The following PRICKLE3 variants were observed in gnomAD, a reference collection of about 807,000 sequenced individuals.
PRICKLE3 encodes prickle planar cell polarity protein 3.
In PRICKLE3, 17 loss-of-function variants were observed where a neutral mutation model predicts 33.8. The observed-to-expected ratio is 0.50, with a 90% CI of 0.34 to 0.75. The LOEUF (loss-of-function observed/expected upper bound fraction) is 0.75, where lower values mean the gene tolerates loss of function less well. PRICKLE3 is among the 30% of genes least tolerant of loss of function. PRICKLE3 has a pLI of 0.01. For synonymous variants in PRICKLE3, 211 were observed against 219.6 expected (o/e 0.96, Z 0.34); for missense variants, 573 against 576.7 (o/e 0.99, Z 0.07).
At chrX:49,180,556 C>A (rs1185351230) in intron 3 of PRICKLE3, among the ~76,000 whole-genome samples, 1 of 111,187 alleles carries the variant, frequency 9.0e-6, no homozygotes, top group Non-Finnish European at 1.9e-5. Flanking sequence ...GGTAGCACTG[C>A]ACCGAGCTGA....
intron 3 of PRICKLE3, among the ~76,000 whole-genome samples, chrX:49,180,428 G>A (rs1048630870): frequency 9.0e-6 from 1 of 111,001 alleles, no homozygotes; most frequent in African/African-American, 3.3e-5. Flanking sequence ...AATCTCTCTT[G>A]AGCCTACTTG....
Position 49,185,896 on chromosome X carries a change from C to CAAA in PRICKLE3, c.42+357_42+359dup, listed in dbSNP as rs35472415. Among the ~76,000 whole-genome samples the CAAA allele has an allele frequency of 1.2e-3, 36 of 29,688 alleles. 2 individuals are homozygous for CAAA. Among genetic ancestry groups the CAAA allele is most frequent in the Admixed American group, 2.0e-3 (5 of 2,546 alleles). The allele number at this position is 29,688 out of a possible 115,157, so 25.8% of individuals were successfully genotyped here. ...AGCCTGGGTGACAGAGATTCAGTCT[C>CAAA]AAAAAAAAAAAAAAAAAAAAAAAGC... is the stretch of plus-strand genomic sequence containing the variant. On this transcript the variant is annotated intron_variant, in intron 1 of 8. Transcript: ENST00000599218.
rs201474575 is a variant in PRICKLE3 at position 49,178,249 on chromosome X, C to A, written c.768+23G>T. On this transcript the variant is annotated intron_variant, in intron 6 of 8. Coordinates refer to ENST00000599218, the MANE Select transcript of PRICKLE3 (RefSeq NM_006150.5). ...TGGCCCTGCCCACCCTCAACTCCCA[C>A]CCCTGGGCAGGGAGGCCCAAACCTC... 7.8e-4 allele frequency: 933 copies of A among 1,198,698 alleles called. 4 individuals carry two copies. In the African/African-American group the frequency reaches 0.015, roughly 20 times the overall value.
At position 49,175,398 on chromosome X, in the gene PRICKLE3, G is replaced by C. The variant is rs2065409145; in HGVS notation, c.*275C>G. On this transcript the variant is annotated 3_prime_UTR_variant, in exon 9 of 9. Transcript: ENST00000599218. The stretch of plus-strand genomic sequence containing the variant: ...TAGCTGGGAACGCTGACACGAGCCT[G>C]GAGTCCCAGCTACTTGGGAGGCTGA... 3.1e-6 allele frequency: 1 copy of C among 324,566 alleles called. No individual in the cohort carries two copies. The highest frequency in any genetic ancestry group is 5.1e-5 in the East Asian group (1 of 19,725). 26.7% of individuals were successfully genotyped at this position (324,566 alleles called of 1,213,427 possible).
chrX:49,185,178 TCTTC>T (rs781867644), intron 1 of PRICKLE3, among the ~76,000 whole-genome samples: 27 of 111,027 alleles, frequency 2.4e-4, no homozygotes, highest in Non-Finnish European at 4.9e-4. Flanking sequence ...GAGACCGCAT[TCTTC>T]CTTGAGATCC....
chrX:49,184,026 G>C, intron 2 of PRICKLE3, 109 bp from the exon 3 acceptor site: 2 of 975,317 alleles, frequency 2.1e-6, no homozygotes, highest in Non-Finnish European at 2.8e-6. Context: ...ACCACCAAAG[G>C]TCTGTGAGCA....
At chrX:49,181,130 G>A (rs1281095916) in intron 3 of PRICKLE3, among the ~76,000 whole-genome samples, 5 of 109,966 alleles carry the variant, frequency 4.5e-5, no homozygotes, top group Non-Finnish European at 7.6e-5. Context: ...CACTTTAGGA[G>A]GCCCAGAGGG....
chrX:49,177,243 C>A (rs1307566108), intron 7 of PRICKLE3, 41 bp from the exon 8 acceptor site: 4 of 1,071,930 alleles, frequency 3.7e-6, no homozygotes, highest in Non-Finnish European at 4.9e-6. Flanking sequence ...GGCAGAACCC[C>A]CAGGCGTAAC....
At position 49,174,912 on chromosome X, in the gene PRICKLE3, C is replaced by G; in HGVS notation, c.*761G>C. ...GCCTAGGTCCTCCTTCTGCACGATC[C>G]AATAGGAGACACCAGTTCTGACTGA... On this transcript the variant is annotated 3_prime_UTR_variant, in exon 9 of 9. Coordinates refer to ENST00000599218, the MANE Select transcript of PRICKLE3 (RefSeq NM_006150.5). 1 of 464,505 alleles carries G rather than the reference C, an allele frequency of 2.2e-6. No homozygotes were observed. The highest frequency in any genetic ancestry group is 3.2e-5 in the South Asian group (1 of 31,596). 38.3% of individuals were successfully genotyped at this position (464,505 alleles called of 1,213,427 possible).
Position 49,175,704 on chromosome X carries a change from TGAC to T in PRICKLE3, c.1814_1816del (p.Arg605del). 8.3e-7 allele frequency: 1 copy of T among 1,211,216 alleles called. No individual in the cohort carries two copies. Among genetic ancestry groups the T allele is most frequent in the Non-Finnish European group, 1.1e-6 (1 of 895,232 alleles). On this transcript the variant is annotated inframe_deletion, in exon 9 of 9. Transcript: ENST00000599218. Reference sequence around the variant, plus strand: ...CACGATGCAGTTCTTGTCTCGGGCCTGACGAGGCATCCCTGCGCGAGAGTCCCT... The same window carrying T: ...CACGATGCAGTTCTTGTCTCGGGCCTGAGGCATCCCTGCGCGAGAGTCCCT...
At chrX:49,180,035 CTTTTTTTTTTT>C (rs150588040) in intron 3 of PRICKLE3, among the ~76,000 whole-genome samples, 1 of 54,392 alleles carries the variant, frequency 1.8e-5, no homozygotes, top group Non-Finnish European at 3.0e-5. Context: ...TGCTGATCAC[CTTTTTTTTTTT>C]TTTTTTTTTT....
intron 5 of PRICKLE3, among the ~76,000 whole-genome samples, chrX:49,178,715 G>A (rs2065433308): frequency 1.8e-5 from 2 of 112,532 alleles, no homozygotes; most frequent in Non-Finnish European, 3.8e-5. Flanking sequence ...CCCATGGTGG[G>A]TGGCCTTATA....
In PRICKLE3 at chrX:49,176,985, A is replaced by C. The variant is rs2065421439; in HGVS notation, c.1173T>G (p.Leu391=). ...SWSAGPVTAP[L]AASTASFSAV... ...CAGAGAAAGAGGCTGTGGAGGCTGC[A>C]AGTGGGGCTGTGACAGGGCCGGCAC... is the stretch of plus-strand genomic sequence containing the variant. Residue 391 remains leucine (L), a synonymous_variant, in exon 8 of 9, where the codon CTT becomes CTG. Coordinates refer to ENST00000599218, the MANE Select transcript of PRICKLE3 (RefSeq NM_006150.5). 8.3e-7 allele frequency: 1 copy of C among 1,209,612 alleles called. No homozygotes were observed. The highest frequency in any genetic ancestry group is 1.7e-5 in the African/African-American group (1 of 57,270).
intron 3 of PRICKLE3, among the ~76,000 whole-genome samples, chrX:49,180,229 A>C (rs1369945529): frequency 9.2e-6 from 1 of 109,216 alleles, no homozygotes; most frequent in Non-Finnish European, 1.9e-5. Context: ...ACAGGGTTTC[A>C]CCATGTTGGC....
Position 49,178,447 on chromosome X carries a change from A to T in PRICKLE3, c.593T>A (p.Ile198Asn). 1 of 1,210,873 alleles carries T rather than the reference A, an allele frequency of 8.3e-7. No individual in the cohort carries two copies. Among genetic ancestry groups the T allele is most frequent in the Non-Finnish European group, 1.1e-6 (1 of 894,443 alleles). The change falls in exon 6 of 9, where the codon ATC becomes AAC. Residue 198 changes from isoleucine to asparagine, a missense_variant. Physicochemically the swap from Ile to Asn is moderately radical, Grantham distance 149 (BLOSUM62 -3). Coordinates refer to ENST00000599218, the MANE Select transcript of PRICKLE3 (RefSeq NM_006150.5). ...ECGKQIGGGDIAVFASRAGLG... is the reference protein window; with the variant it reads ...ECGKQIGGGDNAVFASRAGLG... ...GCCTGCACGGCTGGCAAACACTGCGATGTCCCCACCTCCAATCTGCTTTCC... is the reference window on the plus strand; with the variant it reads ...GCCTGCACGGCTGGCAAACACTGCGTTGTCCCCACCTCCAATCTGCTTTCC...
At chrX:49,185,389 A>G (rs782324775) in intron 1 of PRICKLE3, among the ~76,000 whole-genome samples, 41 of 111,613 alleles carry the variant, frequency 3.7e-4, no homozygotes, top group African/African-American at 1.2e-3. Flanking sequence ...TCTCCGGACC[A>G]TCAAACCCAG....
rs376253856 is a variant in PRICKLE3 at position 49,176,181 on chromosome X, G to T, written c.1340C>A (p.Pro447His). ...GCCGGGGGACTCTGGGGGCGGCTCG[G>T]GGACACTGCGGAGCCCCAGTTCCGG... ...SMPELGLRSV[P>H]EPPPESPGQP... Residue 447 changes from proline to histidine, a missense_variant, in exon 9 of 9, where the codon CCC becomes CAC. Transcript: ENST00000599218. 15 of 1,180,253 alleles carry T rather than the reference G, an allele frequency of 1.3e-5. No individual in the cohort carries two copies. In the African/African-American group the frequency reaches 2.7e-4, roughly 21 times the overall value.
intron 3 of PRICKLE3, among the ~76,000 whole-genome samples, chrX:49,181,595 C>CGTATATATATACGCGTGTATA (rs2065455448): frequency 5.1e-5 from 1 of 19,736 alleles, no homozygotes; most frequent in Non-Finnish European, 8.3e-5. Context: ...ACGCGTGTAT[C>CGTATATATATACGCGTGTATA]TATATACGTA....
chrX:49,179,003 C>T (rs987436274), intron 5 of PRICKLE3, among the ~76,000 whole-genome samples: 1 of 112,103 alleles, frequency 8.9e-6, no homozygotes, highest in African/African-American at 3.2e-5. Context: ...GGCCTCCTTA[C>T]AGACAAACCC....
Sources: gnomAD v4.1 joint callset for allele counts (sites outside exome capture counted in the v4.1 genomes callset) on GRCh38, gnomAD v4.1.1 for gene constraint, MANE v1.5 for transcripts, NCBI Gene and HGNC (gene_info 2026-07-23, HGNC 2026-07-21) for gene names.